Variants in PTTG1IP2 observed in about 807,000 individuals in gnomAD.
PTTG1IP2 encodes the protein PTTG1IP family member 2.
At chr7:90,471,395 T>C (rs950233960) in intron 1 of PTTG1IP2, among the ~76,000 whole-genome samples, 8 of 152,216 alleles carry the variant, frequency 5.3e-5, no homozygotes, top group Non-Finnish European at 1.2e-4. Flanking sequence ...AGGACTTCTA[T>C]CTCTGATGTT....
intron 1 of PTTG1IP2, among the ~76,000 whole-genome samples, chr7:90,475,648 T>A (rs1339994594): frequency 1.3e-5 from 2 of 152,204 alleles, no homozygotes; most frequent in Middle Eastern, 3.4e-3. Flanking sequence ...GAGGAACTAA[T>A]TAAAGAAAAA....
intron 1 of PTTG1IP2, among the ~76,000 whole-genome samples, chr7:90,472,433 G>A (rs1412196448): frequency 6.6e-6 from 1 of 152,080 alleles, no homozygotes; most frequent in Non-Finnish European, 1.5e-5. Context: ...AACAAGCCTC[G>A]AAGTCGATAG....
chr7:90,470,038 A>T (rs1241427109), intron 1 of PTTG1IP2, 107 bp downstream of exon 1: 1 of 152,512 alleles, frequency 6.6e-6, no homozygotes, highest in East Asian at 1.9e-4. Flanking sequence ...AAAAGTTGTC[A>T]TTTGGTGTTG....
chr7:90,495,858 A>G (rs949355502), intron 6 of PTTG1IP2, among the ~76,000 whole-genome samples: 3 of 152,164 alleles, frequency 2.0e-5, no homozygotes, highest in African/African-American at 7.2e-5. Flanking sequence ...TTAACACCCA[A>G]TGTTGCAAGG....
chr7:90,506,215 A>AT (rs1361597796), intron 6 of PTTG1IP2, among the ~76,000 whole-genome samples: 4 of 151,516 alleles, frequency 2.6e-5, no homozygotes, highest in East Asian at 1.9e-4. Flanking sequence ...GTTCTATTAA[A>AT]TTTTTTTTCT....
intron 2 of PTTG1IP2, among the ~76,000 whole-genome samples, chr7:90,479,948 C>T (rs1451279047): frequency 6.6e-6 from 1 of 152,186 alleles, no homozygotes; most frequent in Non-Finnish European, 1.5e-5. Context: ...TCTGCCCTGT[C>T]TTATCTTCCT....
At chr7:90,499,288 A>T (rs1035370345) in intron 6 of PTTG1IP2, among the ~76,000 whole-genome samples, 8 of 152,264 alleles carry the variant, frequency 5.3e-5, no homozygotes, top group Non-Finnish European at 8.8e-5. Context: ...GAAGTACTGC[A>T]TGCAACGGAA....
chr7:90,486,700 C>T (rs1797878732), intron 2 of PTTG1IP2, among the ~76,000 whole-genome samples: 1 of 151,990 alleles, frequency 6.6e-6, no homozygotes, highest in Non-Finnish European at 1.5e-5. Context: ...GGGATGCAGG[C>T]AAGAGGAATG....
chr7:90,508,263 C>CAAAAA (rs5885728), intron 6 of PTTG1IP2, among the ~76,000 whole-genome samples: 2 of 76,822 alleles, frequency 2.6e-5, no homozygotes, highest in Admixed American at 1.4e-4. Context: ...GAACTCGTCT[C>CAAAAA]AAAAAAAAAA....
At chr7:90,506,001 A>G (rs1798120106) in intron 6 of PTTG1IP2, among the ~76,000 whole-genome samples, 1 of 137,862 alleles carries the variant, frequency 7.3e-6, no homozygotes, top group Non-Finnish European at 1.5e-5. Flanking sequence ...AAAAAAAAAA[A>G]AAAAAAAAAA....
rs147310014 is a variant in PTTG1IP2 at position 90,503,652 on chromosome 7, C to G, written c.*50+9222C>G. 7.2e-5 allele frequency among the ~76,000 whole-genome samples: 11 copies of G among 152,288 alleles called. No homozygotes were observed. In the East Asian group the frequency reaches 2.1e-3, roughly 29 times the overall value. ...GCCTGAGAAGAGAAAGATTGGGGAA[C>G]GGCCAGTCAGTGGAGCAGTCAGAAC... On this transcript the variant is annotated intron_variant, in intron 6 of 6. Coordinates refer to ENST00000509356, the MANE Select transcript of PTTG1IP2 (RefSeq NM_001365443.2).
chr7:90,484,429 A>C, intron 2 of PTTG1IP2, among the ~76,000 whole-genome samples: 1 of 152,038 alleles, frequency 6.6e-6, no homozygotes, highest in East Asian at 1.9e-4. Context: ...GAGTACTATA[A>C]TTTTCCCATG....
intron 3 of PTTG1IP2, among the ~76,000 whole-genome samples, 199 bp from the exon 4 acceptor site, chr7:90,488,672 C>T (rs1173603312): frequency 6.6e-6 from 1 of 151,952 alleles, no homozygotes; most frequent in East Asian, 1.9e-4. Flanking sequence ...ACTCCTCTAG[C>T]AACCCAGATT....
intron 6 of PTTG1IP2, 129 bp from the exon 7 acceptor site, chr7:90,513,149 T>TG (rs1244186930): frequency 6.6e-6 from 1 of 152,662 alleles, no homozygotes; most frequent in African/African-American, 2.4e-5. Flanking sequence ...AATCAGGAGT[T>TG]GGAAAACATT....
intron 6 of PTTG1IP2, among the ~76,000 whole-genome samples, chr7:90,499,984 G>C (rs1022090912): frequency 1.6e-4 from 24 of 152,044 alleles, no homozygotes; most frequent in African/African-American, 5.8e-4. Context: ...AAGGCCAAGG[G>C]GGGCAGATCA....
intron 6 of PTTG1IP2, among the ~76,000 whole-genome samples, chr7:90,497,563 CAAAAAAAAAAAA>C (rs758753541): frequency 4.5e-5 from 2 of 44,376 alleles, no homozygotes; most frequent in East Asian, 5.0e-4. Flanking sequence ...GAATCCGTCT[CAAAAAAAAAAAA>C]AAAAAAAAAA....
At chr7:90,507,430 A>C (rs1798136976) in intron 6 of PTTG1IP2, among the ~76,000 whole-genome samples, 1 of 152,218 alleles carries the variant, frequency 6.6e-6, no homozygotes, top group African/African-American at 2.4e-5. Context: ...ATTGTTTAAC[A>C]TCTCTGAGAC....
intron 6 of PTTG1IP2, among the ~76,000 whole-genome samples, chr7:90,509,412 TG>T (rs1433738793): frequency 6.6e-6 from 1 of 152,126 alleles, no homozygotes; most frequent in Non-Finnish European, 1.5e-5. Context: ...AAAGAGTCCC[TG>T]GAAGAGACCC....
intron 6 of PTTG1IP2, among the ~76,000 whole-genome samples, chr7:90,509,793 G>A (rs981481793): frequency 1.3e-5 from 2 of 152,160 alleles, no homozygotes; most frequent in African/African-American, 4.8e-5. Flanking sequence ...ACACAGTGCT[G>A]AGGTGCAGTA....
Sources: allele counts gnomAD v4.1 joint callset (sites outside exome capture counted in the v4.1 genomes callset), GRCh38; gene constraint gnomAD v4.1.1; transcripts MANE v1.5; gene names NCBI Gene and HGNC (gene_info 2026-07-23, HGNC 2026-07-21).